The following MYO9A variants were observed in gnomAD, a reference collection of about 807,000 sequenced individuals.
The protein encoded by MYO9A is myosin IXA, also known as unconventional myosin-IXa.
MYO9A carries 103 observed loss-of-function variants against 293.3 expected under a neutral mutation model. The observed-to-expected ratio is 0.35, with a 90% CI of 0.30 to 0.41. The LOEUF (loss-of-function observed/expected upper bound fraction) is 0.41. Ranked by LOEUF, MYO9A falls within the 10% of genes least tolerant of loss-of-function variation. The probability of loss-of-function intolerance (pLI) is 1.00; values close to 1 mark genes in which losing one functional copy is unlikely to be tolerated. For missense variants in MYO9A, 2,685 were observed against 3,033.0 expected (o/e 0.89, Z 2.69); for synonymous variants, 1,001 against 1,035.7 (o/e 0.97, Z 0.64).
chr15:72,059,503 T>A (rs1477151561), intron 1 of MYO9A, among the ~76,000 whole-genome samples: 1 of 152,266 alleles, frequency 6.6e-6, no homozygotes, highest in Non-Finnish European at 1.5e-5. Flanking sequence ...AAGGTTTTTA[T>A]CTGTGTAGAA....
At chr15:72,104,118 G>A (rs536687478) in intron 1 of MYO9A, among the ~76,000 whole-genome samples, 1 of 152,116 alleles carries the variant, frequency 6.6e-6, no homozygotes, top group Admixed American at 6.5e-5. Context: ...TCCCAGGCTA[G>A]CAATATGCAG....
chr15:71,910,090 ATATATATATACGTATATATATACGTG>A (rs1182834007), intron 19 of MYO9A, among the ~76,000 whole-genome samples: 1 of 146,602 alleles, frequency 6.8e-6, no homozygotes. Context: ...ATATACACGT[ATATATATATACGTATATATATACGTG>A]TATATATACA....
chr15:71,905,827 T>C (rs1354393963), intron 19 of MYO9A, among the ~76,000 whole-genome samples: 1 of 149,906 alleles, frequency 6.7e-6, no homozygotes, highest in East Asian at 2.0e-4. Flanking sequence ...GGTGTCAGTG[T>C]TTTGTCTATT....
rs544631935 is a variant in MYO9A, at chr15:71,901,617, G to T, written c.3001-277C>A. Among the ~76,000 whole-genome samples the T allele has an allele frequency of 5.9e-5, 9 of 151,504 alleles. No homozygotes were observed. The East Asian group carries it at 9.7e-4, about 16-fold the overall frequency. ...GAAACAGGAAGTTTGCTGAAGCCCA[G>T]GAGTTCCAGTTCTACGGCAAAATAG... On this transcript the variant is annotated intron_variant, in intron 22 of 41. Coordinates refer to ENST00000356056, the MANE Select transcript of MYO9A (RefSeq NM_006901.4).
chr15:71,872,943 C>A lies in MYO9A; in HGVS notation c.5979+2848G>T, dbSNP rs540548664. Among the ~76,000 whole-genome samples, 6 of 150,680 alleles carry A rather than the reference C, an allele frequency of 4.0e-5. No individual in the cohort carries two copies. In the South Asian group the frequency reaches 1.3e-3, roughly 31 times the overall value. On this transcript the variant is annotated intron_variant, in intron 32 of 41. Coordinates refer to ENST00000356056, the MANE Select transcript of MYO9A (RefSeq NM_006901.4). ...TTTTTCTTTTTTTGAGACAGAGTCT[C>A]GCTCTGTCGCCCAGGCTGGAGTGCA...
chr15:72,103,092 C>T lies in MYO9A; in HGVS notation c.-72+14588G>A, dbSNP rs115559660. 5.1e-3 allele frequency among the ~76,000 whole-genome samples: 745 copies of T among 145,940 alleles called. 9 individuals carry two copies. Among genetic ancestry groups the T allele is most frequent in the African/African-American group, 0.018 (711 of 39,758 alleles). On this transcript the variant is annotated intron_variant, in intron 1 of 41. Coordinates refer to ENST00000356056, the MANE Select transcript of MYO9A (RefSeq NM_006901.4). ...ACTCCCGGGTTCAAGTGATTCTCCT[C>T]GGCTGAGGAAGGAGAATCACTTGAG...
At chr15:71,895,845 T>C (rs956768880) in intron 25 of MYO9A, among the ~76,000 whole-genome samples, 4 of 152,158 alleles carry the variant, frequency 2.6e-5, no homozygotes, top group African/African-American at 9.6e-5. Flanking sequence ...ATCCACAATT[T>C]GTTTTTTACA....
chr15:72,104,429 T>A (rs954441062), intron 1 of MYO9A, among the ~76,000 whole-genome samples: 1 of 152,174 alleles, frequency 6.6e-6, no homozygotes, highest in Non-Finnish European at 1.5e-5. Flanking sequence ...CAACTGCATG[T>A]AACTAGTATG....
intron 1 of MYO9A, among the ~76,000 whole-genome samples, chr15:72,054,232 G>T (rs902073357): frequency 1.2e-4 from 19 of 152,082 alleles, no homozygotes; most frequent in African/African-American, 4.6e-4. Context: ...TATTATTTTA[G>T]GCTTAGGCCT....
chr15:71,904,965 T>C lies in MYO9A; in HGVS notation c.2727A>G (p.Glu909=), dbSNP rs759972229. The C allele has an allele frequency of 6.2e-7, 1 of 1,606,298 alleles. No homozygotes were observed. The highest frequency in any genetic ancestry group is 8.5e-7 in the Non-Finnish European group (1 of 1,174,942). The change falls in exon 20 of 42, where the codon GAA becomes GAG. Residue 909 remains glutamate, a synonymous_variant. Coordinates refer to ENST00000356056, the MANE Select transcript of MYO9A (RefSeq NM_006901.4). ...AGCGAATGCATTTTACAAAATATGG[T>C]TCTGCTTGACCAAGTGTTTCCATTA... ...SKLMETLGQA[E]PYFVKCIRSN...
At chr15:71,911,153 C>T (rs532790744) in intron 19 of MYO9A, among the ~76,000 whole-genome samples, 1 of 152,230 alleles carries the variant, frequency 6.6e-6, no homozygotes, top group East Asian at 1.9e-4. Context: ...TAAAAAAATA[C>T]ATTCTTTTTT....
intron 27 of MYO9A, 127 bp downstream of exon 27, chr15:71,887,876 TG>T: frequency 2.0e-6 from 1 of 496,324 alleles, no homozygotes; most frequent in East Asian, 3.3e-5. Context: ...CTTGAAAAAT[TG>T]GTAAATAAGT....
intron 1 of MYO9A, among the ~76,000 whole-genome samples, chr15:72,087,717 T>G (rs2079785335): frequency 6.6e-6 from 1 of 152,198 alleles, no homozygotes; most frequent in Non-Finnish European, 1.5e-5. Flanking sequence ...TGGCAGCCAT[T>G]CCACCTGGCT....
chr15:72,099,092 G>C (rs1045589602), intron 1 of MYO9A, among the ~76,000 whole-genome samples: 4 of 152,090 alleles, frequency 2.6e-5, no homozygotes, highest in Admixed American at 2.6e-4. Context: ...CCAGAAGTTC[G>C]AGATCAACCC....
At chr15:71,988,911 T>C (rs757215659) in intron 11 of MYO9A, among the ~76,000 whole-genome samples, 1 of 152,220 alleles carries the variant, frequency 6.6e-6, no homozygotes, top group Non-Finnish European at 1.5e-5. Flanking sequence ...ACTCTTTTTT[T>C]TGAGATAGAG....
At chr15:71,977,625 A>C (rs76915128) in intron 12 of MYO9A, among the ~76,000 whole-genome samples, 1 of 149,462 alleles carries the variant, frequency 6.7e-6, no homozygotes, top group East Asian at 1.9e-4. Context: ...ACATGTAACC[A>C]AAAAAAAAAG....
chr15:71,849,939 A>ATTTATGAATCCATTCACTAT, intron 38 of MYO9A, 97 bp downstream of exon 38: 2 of 1,378,818 alleles, frequency 1.5e-6, no homozygotes, highest in East Asian at 2.3e-5. Context: ...AAACACCTGA[A>ATTTATGAATCCATTCACTAT]TTTATGAACC....
chr15:72,038,238 T>C (rs1449944691), intron 2 of MYO9A, among the ~76,000 whole-genome samples: 1 of 152,180 alleles, frequency 6.6e-6, no homozygotes, highest in East Asian at 1.9e-4. Context: ...ACAGAACTCT[T>C]AAATGCACAA....
At chr15:71,851,139 T>C (rs993719383) in intron 37 of MYO9A, 114 bp downstream of exon 37, 1 of 816,068 alleles carries the variant, frequency 1.2e-6, no homozygotes, top group African/African-American at 1.7e-5. Flanking sequence ...ACTGACTTTA[T>C]AAATAGAAGA....
Sources: gnomAD v4.1 joint callset for allele counts (sites outside exome capture counted in the v4.1 genomes callset) on GRCh38, gnomAD v4.1.1 for gene constraint, MANE v1.5 for transcripts, NCBI Gene and HGNC (gene_info 2026-07-23, HGNC 2026-07-21) for gene names.